NWD2: variants seen among roughly 807,000 people sequenced by gnomAD.
NWD2 encodes the protein NACHT and WD repeat domain containing 2.
Under a neutral mutation model 132.7 loss-of-function variants are expected in NWD2, and 37 were observed. That is an observed-to-expected ratio of 0.28 (90% CI 0.21 to 0.37). The LOEUF (loss-of-function observed/expected upper bound fraction) is 0.37. NWD2 is among the 10% of genes least tolerant of loss of function. The probability of loss-of-function intolerance (pLI) is 1.00; values close to 1 mark genes in which losing one functional copy is unlikely to be tolerated. For synonymous variants in NWD2, 705 were observed against 803.0 expected, an observed-to-expected ratio of 0.88 and a Z score of 2.06; for missense variants, 1,592 against 2,122.4, an observed-to-expected ratio of 0.75 and a Z score of 4.91.
At chr4:37,395,594 A>AAAT (rs1247038280) in intron 3 of NWD2, among the ~76,000 whole-genome samples, 2 of 147,352 alleles carry the variant, frequency 1.4e-5, no homozygotes, top group East Asian at 2.0e-4. Context: ...CAAAAAAAAA[A>AAAT]AAAAAAAAAA....
chr4:37,445,650 A>G lies in NWD2; in HGVS notation c.3662A>G (p.Lys1221Arg). 1 of 1,552,252 alleles carries G rather than the reference A, an allele frequency of 6.4e-7. No homozygotes were observed. Among genetic ancestry groups the G allele is most frequent in the Non-Finnish European group, 8.7e-7 (1 of 1,147,124 alleles). Residue 1221 changes from lysine (K) to arginine (R), a missense_variant, in exon 7 of 7, where the codon AAG (lysine) becomes AGG (arginine). Lys to Arg is a conservative substitution (Grantham distance 26). Coordinates refer to ENST00000309447, the MANE Select transcript of NWD2 (RefSeq NM_001144990.2). The surrounding 1 kb of genome is among the most constrained non-coding windows in gnomAD (Gnocchi z 4.7). ...SIELLDTGLW[K>R]VAEKFRAKHN... ...GAGCTCTTAGATACTGGTCTGTGGA[A>G]GGTGGCTGAAAAGTTCAGAGCCAAG...
intron 1 of NWD2, among the ~76,000 whole-genome samples, chr4:37,289,377 A>G (rs1039368523): frequency 5.3e-5 from 8 of 152,200 alleles, no homozygotes; most frequent in African/African-American, 1.7e-4. Flanking sequence ...CCAACCAACC[A>G]TTTTTTGGCA....
intron 1 of NWD2, among the ~76,000 whole-genome samples, chr4:37,322,122 G>T (rs901381971): frequency 6.6e-6 from 1 of 152,112 alleles, no homozygotes; most frequent in African/African-American, 2.4e-5. Context: ...TGTCACTGGC[G>T]CATGTGTGGC....
chr4:37,338,717 G>A (rs190096237), intron 2 of NWD2, among the ~76,000 whole-genome samples: 3 of 152,308 alleles, frequency 2.0e-5, no homozygotes, highest in East Asian at 1.9e-4. Context: ...CACACTGCAA[G>A]TCTGTTGTCA....
chr4:37,350,413 G>A (rs1190886321), intron 2 of NWD2, among the ~76,000 whole-genome samples: 1 of 152,138 alleles, frequency 6.6e-6, no homozygotes, highest in African/African-American at 2.4e-5. Context: ...CTTGTAAGTT[G>A]TATTTCTAGG....
chr4:37,416,147 G>A (rs189727270), intron 3 of NWD2, among the ~76,000 whole-genome samples: 104 of 152,314 alleles, frequency 6.8e-4, no homozygotes, highest in Middle Eastern at 6.8e-3. Flanking sequence ...GTGAGAGCCT[G>A]TTGTGGGCCA....
At chr4:37,366,027 T>C (rs1450474893) in intron 3 of NWD2, among the ~76,000 whole-genome samples, 1 of 152,198 alleles carries the variant, frequency 6.6e-6, no homozygotes, top group Non-Finnish European at 1.5e-5. Context: ...TGGAGACAAA[T>C]GTGATTAGAC....
chr4:37,276,257 A>G (rs529388521), intron 1 of NWD2, among the ~76,000 whole-genome samples: 1 of 152,318 alleles, frequency 6.6e-6, no homozygotes, highest in African/African-American at 2.4e-5. Context: ...TTACAAGAAA[A>G]AAACAAACAA....
chr4:37,263,697 G>A (rs1442204379), intron 1 of NWD2, among the ~76,000 whole-genome samples: 2 of 152,104 alleles, frequency 1.3e-5, no homozygotes, highest in Admixed American at 1.3e-4. Context: ...AGTAAAGTGA[G>A]CATGTGCCAG....
In NWD2 at chr4:37,390,223, TATGTA is replaced by T. The variant is rs1278001710; in HGVS notation, c.357+33742_357+33746del. On this transcript the variant is annotated intron_variant, in intron 3 of 6. Coordinates refer to ENST00000309447, the MANE Select transcript of NWD2 (RefSeq NM_001144990.2). ...GTGTTTTTATACTGAAATTTAAGTA[TATGTA>T]CATATACTTTAAGTATATGTACATA... 2.5e-3 allele frequency among the ~76,000 whole-genome samples: 358 copies of T among 142,090 alleles called. 3 individuals are homozygous for T. The highest frequency in any genetic ancestry group is 8.1e-3 in the African/African-American group (313 of 38,762). The allele number at this position is 142,090 out of a possible 152,430, so 93.2% of individuals were successfully genotyped here.
chr4:37,390,409 A>C (rs377582987), intron 3 of NWD2, among the ~76,000 whole-genome samples: 9 of 150,094 alleles, frequency 6.0e-5, no homozygotes, highest in Admixed American at 2.0e-4. Flanking sequence ...ATAATCTGAA[A>C]TTTTTTTTTT....
At chr4:37,332,288 A>G (rs1323893933) in intron 2 of NWD2, among the ~76,000 whole-genome samples, 1 of 152,044 alleles carries the variant, frequency 6.6e-6, no homozygotes, top group Admixed American at 6.5e-5. Flanking sequence ...CCTTCCTTCC[A>G]CTTGAGTGAT....
chr4:37,394,799 GT>G (rs1175840735), intron 3 of NWD2, among the ~76,000 whole-genome samples: 35 of 52,592 alleles, frequency 6.7e-4, no homozygotes, highest in African/African-American at 2.5e-3. Flanking sequence ...AACCTTTATG[GT>G]TTTTTTTTTT....
chr4:37,368,778 A>G (rs1319146409), intron 3 of NWD2, among the ~76,000 whole-genome samples: 2 of 152,170 alleles, frequency 1.3e-5, no homozygotes, highest in Non-Finnish European at 2.9e-5. Context: ...ATGGAACATG[A>G]GGCAAAAAAT....
At chr4:37,333,617 T>G (rs1719338178) in intron 2 of NWD2, among the ~76,000 whole-genome samples, 1 of 152,136 alleles carries the variant, frequency 6.6e-6, no homozygotes, top group African/African-American at 2.4e-5. Context: ...TGACAGGTAC[T>G]AACAAGCTCA....
intron 2 of NWD2, among the ~76,000 whole-genome samples, chr4:37,346,093 A>C (rs1176269595): frequency 6.6e-6 from 1 of 151,968 alleles, no homozygotes; most frequent in African/African-American, 2.4e-5. Context: ...AAAAAAAAAA[A>C]AAAAAACCTA....
chr4:37,369,872 A>G (rs2109305075), intron 3 of NWD2, among the ~76,000 whole-genome samples: 1 of 152,248 alleles, frequency 6.6e-6, no homozygotes, highest in South Asian at 2.1e-4. Context: ...TTCTCTTCCC[A>G]GTTTGGAAAT....
intron 3 of NWD2, among the ~76,000 whole-genome samples, chr4:37,378,412 A>G (rs1720390256): frequency 6.6e-6 from 1 of 152,230 alleles, no homozygotes. Context: ...AAGAAAGTGA[A>G]CATTGTGACA....
chr4:37,417,887 GATT>G (rs1560250292), intron 3 of NWD2, among the ~76,000 whole-genome samples: 1 of 152,046 alleles, frequency 6.6e-6, no homozygotes, highest in African/African-American at 2.4e-5. Context: ...TATAGATTAA[GATT>G]AATAATTTAA....
Sources: allele counts gnomAD v4.1 joint callset (sites outside exome capture counted in the v4.1 genomes callset), GRCh38; gene constraint gnomAD v4.1.1; non-coding constraint Gnocchi (gnomAD v3.1); transcripts MANE v1.5; gene names NCBI Gene and HGNC (gene_info 2026-07-23, HGNC 2026-07-21).